VIRMA: variants seen among roughly 807,000 people sequenced by gnomAD.
VIRMA encodes the protein protein virilizer homolog.
A neutral mutation model predicts 182.4 loss-of-function variants in VIRMA; 65 were observed. The ratio of observed to expected loss-of-function variants is 0.36; its 90% CI spans 0.29 to 0.44. VIRMA has a LOEUF of 0.44. Ranked by LOEUF, VIRMA falls within the 20% of genes least tolerant of loss-of-function variation. The pLI is 1.00. For missense variants in VIRMA, 1,752 were observed against 2,158.1 expected, an observed-to-expected ratio of 0.81 and a Z score of 3.73; for synonymous variants, 709 against 743.1, an observed-to-expected ratio of 0.95 and a Z score of 0.75.
intron 21 of VIRMA, 102 bp from the exon 22 acceptor site, chr8:94,492,011 A>G: frequency 2.4e-6 from 2 of 835,422 alleles, no homozygotes; most frequent in Non-Finnish European, 3.6e-6. Context: ...TTTGTACTCC[A>G]ATTCTGCTAA....
At chr8:94,522,240 G>A (rs1814798300) in intron 8 of VIRMA, among the ~76,000 whole-genome samples, 2 of 152,124 alleles carry the variant, frequency 1.3e-5, no homozygotes, top group South Asian at 2.1e-4. Context: ...CCTGGGTGCC[G>A]AGTTTCTAAA....
chr8:94,506,933 T>C, intron 15 of VIRMA, among the ~76,000 whole-genome samples: 1 of 152,182 alleles, frequency 6.6e-6, no homozygotes, highest in East Asian at 1.9e-4. Flanking sequence ...AAGGAATAAA[T>C]ATTTAAATAT....
Position 94,492,707 on chromosome 8 carries a change from T to A in VIRMA, c.4753A>T (p.Thr1585Ser). ...TTCCCAAGTTTGAATCCTTTAGTAGTCTTGGTTCTTCCTGGAGATGATGGT... is the reference window on the plus strand; with the variant it reads ...TTCCCAAGTTTGAATCCTTTAGTAGACTTGGTTCTTCCTGGAGATGATGGT... ...SEPSSPGRTK[T>S]TKGFKLGKHK... Residue 1585 changes from threonine to serine, a missense_variant, in exon 21 of 24, where the codon ACT becomes TCT. Physicochemically the swap from Thr to Ser is moderately conservative, Grantham distance 58. Transcript: ENST00000297591. 1 of 1,614,050 alleles carries A rather than the reference T, an allele frequency of 6.2e-7. No individual in the cohort carries two copies. The highest frequency in any genetic ancestry group is 1.3e-5 in the African/African-American group (1 of 75,060).
intron 8 of VIRMA, among the ~76,000 whole-genome samples, 192 bp from the exon 9 acceptor site, chr8:94,519,668 G>A (rs1267010647): frequency 6.6e-6 from 1 of 152,190 alleles, no homozygotes; most frequent in Non-Finnish European, 1.5e-5. Flanking sequence ...TGAATGTTCT[G>A]TGAGGCTTTG....
chr8:94,543,401 CAAAAAAAAAAAA>C (rs1162030319), intron 2 of VIRMA, among the ~76,000 whole-genome samples: 1 of 43,204 alleles, frequency 2.3e-5, no homozygotes, highest in South Asian at 8.2e-4. Flanking sequence ...AACTCCATCT[CAAAAAAAAAAAA>C]AAAAAAAAAA....
rs1814763856 is a variant in VIRMA, at chr8:94,521,384, C to G, written c.2022-1908G>C. Among the ~76,000 whole-genome samples, 8 of 152,208 alleles carry G rather than the reference C, an allele frequency of 5.3e-5. 1 individual carries two copies. The highest frequency in any genetic ancestry group is 3.4e-3 in the Middle Eastern group (1 of 294). On this transcript the variant is annotated intron_variant, in intron 8 of 23. Coordinates refer to ENST00000297591, the MANE Select transcript of VIRMA (RefSeq NM_015496.5). ...TCTATGTCCCTGCAAAGGACATGAT[C>G]TCATTCCTCAACTTTTTAAAAATGA... is the stretch of plus-strand genomic sequence containing the variant.
chr8:94,540,550 C>T (rs942391995), intron 2 of VIRMA, among the ~76,000 whole-genome samples: 10 of 151,232 alleles, frequency 6.6e-5, no homozygotes, highest in Admixed American at 2.6e-4. Flanking sequence ...CCACAACCTC[C>T]GCCTCTCAGG....
intron 11 of VIRMA, 28 bp from the exon 12 acceptor site, chr8:94,512,117 T>C: frequency 7.7e-7 from 1 of 1,290,516 alleles, no homozygotes; most frequent in Non-Finnish European, 1.0e-6. Flanking sequence ...AACAGAATAT[T>C]TCGTTTCTTA....
intron 2 of VIRMA, among the ~76,000 whole-genome samples, chr8:94,543,518 C>A (rs1393113283): frequency 1.3e-5 from 2 of 148,192 alleles, no homozygotes; most frequent in African/African-American, 5.0e-5. Flanking sequence ...GTTAAAAATA[C>A]TTCATCTACC....
Position 94,538,340 on chromosome 8 carries a change from T to C in VIRMA, c.186A>G (p.Thr62=). ...AGTCTAATTGAAATGTATGGGGAGA[T>C]GTCTCTCTGTAAATGAAACAAAGTT... ...SLPDNRAYGE[T]SPHTFQLDLF... The change falls in exon 3 of 24, where the codon ACA becomes ACG. Residue 62 remains threonine (T), a synonymous_variant. Coordinates refer to ENST00000297591, the MANE Select transcript of VIRMA (RefSeq NM_015496.5). 3 of 1,602,992 alleles carry C rather than the reference T, an allele frequency of 1.9e-6. No homozygotes were observed. The highest frequency in any genetic ancestry group is 1.7e-6 in the Non-Finnish European group (2 of 1,170,308).
In VIRMA at chr8:94,506,682, A is replaced by C. The variant is rs1586074102; in HGVS notation, c.3915T>G (p.Gly1305=). 1.2e-6 allele frequency: 2 copies of C among 1,613,832 alleles called. No individual in the cohort carries two copies. The highest frequency in any genetic ancestry group is 8.5e-7 in the Non-Finnish European group (1 of 1,179,898). ...IALILPSSSE[G]SISELEQLSN... The stretch of plus-strand genomic sequence containing the variant: ...AGAGCTGCTCCAGTTCAGAAATAGA[A>C]CCTTCAGAAGAGCTTGGTAAGATAA... Residue 1305 remains glycine, a synonymous_variant, in exon 16 of 24, where the codon GGT becomes GGG. Transcript: ENST00000297591.
intron 7 of VIRMA, among the ~76,000 whole-genome samples, chr8:94,527,989 T>A (rs752240316): frequency 2.0e-5 from 3 of 152,092 alleles, no homozygotes; most frequent in Admixed American, 6.5e-5. Flanking sequence ...TCCCAGCACT[T>A]TGGGAGGCCA....
intron 6 of VIRMA, 105 bp downstream of exon 6, chr8:94,530,858 G>A (rs1815147620): frequency 8.0e-7 from 1 of 1,254,680 alleles, no homozygotes; most frequent in Non-Finnish European, 1.1e-6. Flanking sequence ...ACTGCAGTGA[G>A]CCACTGTACT....
At chr8:94,493,608 A>G (rs1813676019) in intron 20 of VIRMA, among the ~76,000 whole-genome samples, 1 of 152,228 alleles carries the variant, frequency 6.6e-6, no homozygotes, top group Non-Finnish European at 1.5e-5. Context: ...ATAAAATTCT[A>G]CTGGAGAGGA....
At chr8:94,547,617 T>G (rs1815815473) in intron 1 of VIRMA, among the ~76,000 whole-genome samples, 1 of 150,876 alleles carries the variant, frequency 6.6e-6, no homozygotes, top group South Asian at 2.1e-4. Flanking sequence ...CGACCTAGTC[T>G]CCTAGGACTG....
chr8:94,542,893 A>G (rs1815610314), intron 2 of VIRMA, among the ~76,000 whole-genome samples: 1 of 152,126 alleles, frequency 6.6e-6, no homozygotes, highest in Non-Finnish European at 1.5e-5. Context: ...AACACCCACC[A>G]CAAAGTAGCT....
At chr8:94,489,332 C>T (rs901815377) in intron 23 of VIRMA, among the ~76,000 whole-genome samples, 1 of 152,164 alleles carries the variant, frequency 6.6e-6, no homozygotes, top group African/African-American at 2.4e-5. Context: ...ATTATACAAA[C>T]AGTTCAGAAA....
intron 8 of VIRMA, among the ~76,000 whole-genome samples, chr8:94,522,192 A>G (rs1176809831): frequency 6.6e-6 from 1 of 152,166 alleles, no homozygotes; most frequent in Non-Finnish European, 1.5e-5. Context: ...GTATCAAAAC[A>G]TGTCACTGTT....
At chr8:94,522,482 C>T (rs967370208) in intron 8 of VIRMA, among the ~76,000 whole-genome samples, 1 of 152,142 alleles carries the variant, frequency 6.6e-6, no homozygotes, top group African/African-American at 2.4e-5. Context: ...AGAGCCTTGC[C>T]ACCACTTCAA....
Sources: allele counts gnomAD v4.1 joint callset (sites outside exome capture counted in the v4.1 genomes callset), GRCh38; gene constraint gnomAD v4.1.1; transcripts MANE v1.5; gene names NCBI Gene and HGNC (gene_info 2026-07-23, HGNC 2026-07-21).